CABLES2: variants seen among roughly 807,000 people sequenced by gnomAD.
The protein encoded by CABLES2 is Cdk5 and Abl enzyme substrate 2, also known as CDK5 and ABL1 enzyme substrate 2.
A neutral mutation model predicts 44.8 loss-of-function variants in CABLES2; 35 were observed. The ratio of observed to expected loss-of-function variants is 0.78; its 90% confidence interval spans 0.60 to 1.04. The LOEUF (loss-of-function observed/expected upper bound fraction) is 1.04. Among genes scored for constraint, CABLES2 ranks in the 50% least tolerant of loss-of-function variants. The pLI is 0.00. For synonymous variants in CABLES2, 282 were observed against 281.1 expected (o/e 1.00, Z -0.03); for missense variants, 566 against 615.7 (o/e 0.92, Z 0.85).
intron 1 of CABLES2, among the ~76,000 whole-genome samples, chr20:62,398,088 ACGGTGGTGGTGGTGGTGATGGTGGTGG>A: frequency 1.9e-5 from 1 of 52,250 alleles, no homozygotes; most frequent in East Asian, 6.6e-4. Flanking sequence ...GGTGGTGGTG[ACGGTGGTGGTGGTGGTGATGGTGGTGG>A]TGGTGGTGGT....
intron 1 of CABLES2, among the ~76,000 whole-genome samples, chr20:62,398,051 GAT>G (rs1569017422): frequency 6.9e-6 from 1 of 144,290 alleles, no homozygotes; most frequent in East Asian, 2.0e-4. Context: ...TGATGGTGGT[GAT>G]GGCGATGGTG....
At chr20:62,394,320 C>T in intron 4 of CABLES2, 55 bp from the exon 5 acceptor site, 1 of 1,439,630 alleles carries the variant, frequency 6.9e-7, no homozygotes, top group Non-Finnish European at 9.7e-7. Flanking sequence ...CAGGCTCTGG[C>T]AGCCCAGCCC....
intron 1 of CABLES2, among the ~76,000 whole-genome samples, chr20:62,398,730 A>C (rs975917130): frequency 6.6e-6 from 1 of 152,192 alleles, no homozygotes; most frequent in African/African-American, 2.4e-5. Context: ...GTTTGTCCCA[A>C]GGCGCTGGGT....
chr20:62,397,962 A>ATGGTGGTGG (rs1195183811), intron 1 of CABLES2, among the ~76,000 whole-genome samples: 1 of 75,060 alleles, frequency 1.3e-5, no homozygotes, highest in African/African-American at 6.8e-5. Context: ...AGTGGTGGTG[A>ATGGTGGTGG]TGGTGGTGAC....
intron 8 of CABLES2, among the ~76,000 whole-genome samples, chr20:62,392,079 G>A (rs1399214507): frequency 6.6e-6 from 1 of 152,092 alleles, no homozygotes; most frequent in Admixed American, 6.5e-5. Flanking sequence ...CACACACTGG[G>A]AGGGGCCGGG....
At chr20:62,392,614 G>T (rs956264606) in intron 7 of CABLES2, 119 bp from the exon 8 acceptor site, 1 of 754,758 alleles carries the variant, frequency 1.3e-6, no homozygotes, top group Non-Finnish European at 2.3e-6. Context: ...GGTGTGGCTT[G>T]AGAGGCCCCG....
intron 1 of CABLES2, among the ~76,000 whole-genome samples, chr20:62,397,606 G>A (rs185754643): frequency 2.0e-5 from 3 of 152,306 alleles, no homozygotes; most frequent in Admixed American, 6.5e-5. Flanking sequence ...TCAGGGTCAC[G>A]CAACTCCAAG....
chr20:62,397,973 A>ATGGTGGTGATGGTGGTG, intron 1 of CABLES2, among the ~76,000 whole-genome samples: 1 of 103,450 alleles, frequency 9.7e-6, no homozygotes, highest in Non-Finnish European at 2.1e-5. Context: ...TGGTGGTGAC[A>ATGGTGGTGATGGTGGTG]GTGGTGATGG....
At chr20:62,403,829 G>A (rs1282015661) in intron 1 of CABLES2, 1 of 152,242 alleles carries the variant, frequency 6.6e-6, no homozygotes, top group Non-Finnish European at 1.5e-5. Flanking sequence ...GCCACACCAG[G>A]CTGAGCCTCC....
chr20:62,399,558 T>TC (rs1988149942), intron 1 of CABLES2, among the ~76,000 whole-genome samples: 1 of 149,184 alleles, frequency 6.7e-6, no homozygotes, highest in Non-Finnish European at 1.5e-5. Flanking sequence ...GTTTTTTTTT[T>TC]TGAACAGATG....
Position 62,391,935 on chromosome 20 carries a change from C to T in CABLES2, c.1091+454G>A, listed in dbSNP as rs993861762. 2.6e-5 allele frequency among the ~76,000 whole-genome samples: 4 copies of T among 152,122 alleles called. No homozygotes were observed. The highest frequency in any genetic ancestry group is 3.4e-3 in the Middle Eastern group (1 of 294). On this transcript the variant is annotated intron_variant, in intron 8 of 9. Coordinates refer to ENST00000279101, the MANE Select transcript of CABLES2 (RefSeq NM_031215.3). This position sits in a 1 kb window ranked among gnomAD's most constrained non-coding sequence, Gnocchi z 5.7. ...CCGCCGCCTTCTGCTCGCTTTCCTC[C>T]GGTCATGGGTCATCAGCGTGGCACA... is the stretch of plus-strand genomic sequence containing the variant.
At chr20:62,400,745 C>T (rs1158326559) in intron 1 of CABLES2, among the ~76,000 whole-genome samples, 4 of 152,186 alleles carry the variant, frequency 2.6e-5, no homozygotes, top group East Asian at 3.9e-4. Flanking sequence ...TGGCCCAGGA[C>T]GCAGAGGAGC....
chr20:62,388,827 C>G lies in CABLES2; in HGVS notation c.*2144G>C, dbSNP rs557130941. ...GAGCTGAACACCTTAGCTCCGACAC[C>G]TGGATGTGTTCTAGAGAATGACAGG... On this transcript the variant is annotated 3_prime_UTR_variant, in exon 10 of 10. Transcript: ENST00000279101. 6.0e-5 allele frequency: 19 copies of G among 317,854 alleles called. No individual in the cohort carries two copies. Among genetic ancestry groups the G allele is most frequent in the Non-Finnish European group, 5.9e-5 (10 of 169,664 alleles). 19.7% of individuals were successfully genotyped at this position (317,854 alleles called of 1,614,324 possible). A position where few individuals can be genotyped will look rare whatever the true frequency, so the allele number is the denominator to read the frequency against.
At chr20:62,401,589 T>C (rs1988188335) in intron 1 of CABLES2, among the ~76,000 whole-genome samples, 1 of 152,198 alleles carries the variant, frequency 6.6e-6, no homozygotes, top group South Asian at 2.1e-4. Flanking sequence ...ATGTACCACC[T>C]TACGCCTAGC....
rs1988075671 is a variant in CABLES2, at chr20:62,398,049, GTGATGGCGA to G, written c.363-1466_363-1458del. Among the ~76,000 whole-genome samples, 26 of 143,870 alleles carry G rather than the reference GTGATGGCGA, an allele frequency of 1.8e-4. 2 individuals carry two copies. The highest frequency in any genetic ancestry group is 4.1e-4 in the Admixed American group (6 of 14,508). 94.4% of individuals were successfully genotyped at this position (143,870 alleles called of 152,430 possible). The stretch of plus-strand genomic sequence containing the variant: ...GGTGGTGACAGTGATGGTGATGGTG[GTGATGGCGA>G]TGGTGGTGGTGACGGTGGTGGTGGT... On this transcript the variant is annotated intron_variant, in intron 1 of 9. Coordinates refer to ENST00000279101, the MANE Select transcript of CABLES2 (RefSeq NM_031215.3).
chr20:62,392,289 G>C (rs961195020), intron 8 of CABLES2, 100 bp downstream of exon 8: 1 of 888,994 alleles, frequency 1.1e-6, no homozygotes, highest in Non-Finnish European at 1.9e-6. Context: ...GATGGGCAGC[G>C]GCTAGACTTG....
chr20:62,398,071 C>CGGTGGTGGTGACGGT (rs1555890761), intron 1 of CABLES2, among the ~76,000 whole-genome samples: 23 of 68,298 alleles, frequency 3.4e-4, no homozygotes, highest in South Asian at 8.5e-4. Context: ...GTGGTGGTGA[C>CGGTGGTGGTGACGGT]GGTGGTGGTG....
At chr20:62,398,216 A>ATGGTGG (rs1303055597) in intron 1 of CABLES2, among the ~76,000 whole-genome samples, 56 of 32,066 alleles carry the variant, frequency 1.7e-3, no homozygotes, top group Non-Finnish European at 2.7e-3. Context: ...TGGTGATGTG[A>ATGGTGG]TGGTGGTGGT....
chr20:62,398,857 A>G (rs1045889879), intron 1 of CABLES2, among the ~76,000 whole-genome samples: 25 of 152,268 alleles, frequency 1.6e-4, no homozygotes, highest in African/African-American at 4.8e-4. Context: ...ATCAAGTGGT[A>G]CGGAGAGGCC....
Sources: gnomAD v4.1 joint callset for allele counts (sites outside exome capture counted in the v4.1 genomes callset) on GRCh38, gnomAD v4.1.1 for gene constraint, Gnocchi (gnomAD v3.1) non-coding constraint, MANE v1.5 for transcripts, NCBI Gene and HGNC (gene_info 2026-07-23, HGNC 2026-07-21) for gene names.